The following RFTN2 variants were observed in gnomAD, a reference collection of about 807,000 sequenced individuals.
The protein encoded by RFTN2 is raftlin family member 2.
In RFTN2, 34 loss-of-function variants were observed where a neutral mutation model predicts 52.7. That is an observed-to-expected ratio of 0.64 (90% CI 0.49 to 0.86). RFTN2 has a LOEUF of 0.86. Ranked by LOEUF, RFTN2 falls within the 40% of genes least tolerant of loss-of-function variation. The pLI, the probability that RFTN2 is intolerant of heterozygous loss-of-function variation, is 0.00. For synonymous variants in RFTN2, 203 were observed against 217.7 expected, an observed-to-expected ratio of 0.93 and a Z score of 0.59; for missense variants, 536 against 600.1, an observed-to-expected ratio of 0.89 and a Z score of 1.12.
chr2:197,636,970 A>T (rs1238912910), intron 3 of RFTN2, among the ~76,000 whole-genome samples: 2 of 152,188 alleles, frequency 1.3e-5, no homozygotes, highest in African/African-American at 2.4e-5. Context: ...ATTTTGTCAA[A>T]GGCCTTTTCT....
At chr2:197,658,206 T>A (rs1031942410) in intron 1 of RFTN2, among the ~76,000 whole-genome samples, 9 of 148,292 alleles carry the variant, frequency 6.1e-5, no homozygotes, top group African/African-American at 2.2e-4. Context: ...AAAAAAAAAA[T>A]GAGTATCCTT....
intron 5 of RFTN2, among the ~76,000 whole-genome samples, chr2:197,629,617 A>T (rs1000140642): frequency 4.6e-5 from 7 of 151,842 alleles, no homozygotes; most frequent in Non-Finnish European, 8.8e-5. Flanking sequence ...TAAATAAAAG[A>T]CCAAGTGGAA....
intron 1 of RFTN2, among the ~76,000 whole-genome samples, chr2:197,666,090 CTT>C (rs749441744): frequency 1.4e-5 from 2 of 145,574 alleles, no homozygotes. Flanking sequence ...GTTTCTTCTT[CTT>C]TTTTTTTTTT....
intron 1 of RFTN2, among the ~76,000 whole-genome samples, chr2:197,664,551 G>A (rs2089024541): frequency 6.6e-6 from 1 of 151,124 alleles, no homozygotes; most frequent in Non-Finnish European, 1.5e-5. Context: ...AGGCAGGATT[G>A]CTTGTCCCAG....
At chr2:197,617,247 C>A (rs185530443) in intron 6 of RFTN2, among the ~76,000 whole-genome samples, 4 of 152,234 alleles carry the variant, frequency 2.6e-5, no homozygotes, top group Admixed American at 1.3e-4. Flanking sequence ...CAGTGCCAGG[C>A]GATGTTTTTT....
At chr2:197,617,404 C>T (rs1445308077) in intron 6 of RFTN2, among the ~76,000 whole-genome samples, 2 of 152,156 alleles carry the variant, frequency 1.3e-5, no homozygotes, top group African/African-American at 4.8e-5. Context: ...AGATTCTAAA[C>T]ACTAAACAAA....
chr2:197,597,760 C>T (rs987343192), intron 7 of RFTN2, among the ~76,000 whole-genome samples: 14 of 152,096 alleles, frequency 9.2e-5, no homozygotes, highest in South Asian at 4.1e-4. Context: ...TCAGGTGATC[C>T]GCCTGCCTTG....
chr2:197,673,058 C>T (rs918991521), intron 1 of RFTN2, among the ~76,000 whole-genome samples: 3 of 152,114 alleles, frequency 2.0e-5, no homozygotes, highest in Non-Finnish European at 2.9e-5. Context: ...CCCATTGGAT[C>T]TACTTTCTGT....
chr2:197,597,011 A>G (rs1420239231), intron 7 of RFTN2, among the ~76,000 whole-genome samples: 1 of 152,160 alleles, frequency 6.6e-6, no homozygotes, highest in East Asian at 1.9e-4. Context: ...GACTTTTATT[A>G]TGCAAAAAAC....
chr2:197,590,224 A>C (rs2087680856), intron 8 of RFTN2, among the ~76,000 whole-genome samples: 1 of 151,874 alleles, frequency 6.6e-6, no homozygotes, highest in Non-Finnish European at 1.5e-5. Flanking sequence ...TCTTTGCCTA[A>C]CTCCACTTGA....
chr2:197,602,371 G>A (rs1420356812), intron 7 of RFTN2, among the ~76,000 whole-genome samples: 1 of 152,012 alleles, frequency 6.6e-6, no homozygotes, highest in African/African-American at 2.4e-5. Flanking sequence ...GCCCCCAGCT[G>A]ATAATTAAAT....
chr2:197,582,245 CAT>C (rs1294720011), intron 8 of RFTN2, among the ~76,000 whole-genome samples: 4 of 152,246 alleles, frequency 2.6e-5, no homozygotes, highest in Non-Finnish European at 4.4e-5. Flanking sequence ...ACATCTGACA[CAT>C]ATACTTTCTG....
At chr2:197,666,087 CTTCT>C (rs1007357658) in intron 1 of RFTN2, among the ~76,000 whole-genome samples, 3 of 151,286 alleles carry the variant, frequency 2.0e-5, no homozygotes, top group Non-Finnish European at 4.4e-5. Context: ...TTTGTTTCTT[CTTCT>C]TTTTTTTTTT....
At chr2:197,632,428 A>G (rs986826284) in intron 4 of RFTN2, among the ~76,000 whole-genome samples, 4 of 152,100 alleles carry the variant, frequency 2.6e-5, no homozygotes, top group African/African-American at 7.2e-5. Context: ...CTGGGCTTTC[A>G]TTCTTCTCTC....
intron 7 of RFTN2, among the ~76,000 whole-genome samples, chr2:197,607,343 G>C (rs2087979055): frequency 6.6e-6 from 1 of 152,066 alleles, no homozygotes; most frequent in African/African-American, 2.4e-5. Flanking sequence ...GGTGGAGGGA[G>C]GGGGCAGGGA....
intron 5 of RFTN2, among the ~76,000 whole-genome samples, chr2:197,626,294 G>A (rs1482252798): frequency 6.6e-6 from 1 of 152,046 alleles, no homozygotes. Flanking sequence ...GGCCTGGCAC[G>A]ATGGCTCACA....
chr2:197,619,449 C>A (rs908571651), intron 5 of RFTN2, among the ~76,000 whole-genome samples: 4 of 152,100 alleles, frequency 2.6e-5, no homozygotes, highest in African/African-American at 9.7e-5. Context: ...TTACCCCCAA[C>A]CCTGTGCTCT....
chr2:197,648,746 C>G (rs1254443424), intron 1 of RFTN2, among the ~76,000 whole-genome samples: 1 of 152,186 alleles, frequency 6.6e-6, no homozygotes, highest in African/African-American at 2.4e-5. Flanking sequence ...GTTAGTCTTT[C>G]TCTTACGTGT....
intron 7 of RFTN2, among the ~76,000 whole-genome samples, chr2:197,614,100 C>T (rs1336212235): frequency 6.6e-6 from 1 of 152,122 alleles, no homozygotes; most frequent in Admixed American, 6.5e-5. Context: ...TTATATTACA[C>T]AATACATAAG....
Sources: allele counts gnomAD v4.1 joint callset (sites outside exome capture counted in the v4.1 genomes callset), GRCh38; gene constraint gnomAD v4.1.1; transcripts MANE v1.5; gene names NCBI Gene and HGNC (gene_info 2026-07-23, HGNC 2026-07-21).